CNTLN: variants seen among roughly 807,000 people sequenced by gnomAD.
The protein encoded by CNTLN is centlein, also known as centlein, centrosomal protein.
A neutral mutation model predicts 180.0 loss-of-function variants in CNTLN; 212 were observed. That is an observed-to-expected ratio of 1.18 (90% CI 1.05 to 1.32). The LOEUF (loss-of-function observed/expected upper bound fraction) is 1.32. Among genes scored for constraint, CNTLN ranks in the 40% most tolerant of loss-of-function variants. The probability of loss-of-function intolerance (pLI) is 0.00; values close to 1 mark genes in which losing one functional copy is unlikely to be tolerated. For missense variants in CNTLN, 2,095 were observed against 1,610.9 expected (o/e 1.30, Z -5.14); for synonymous variants, 722 against 563.1 (o/e 1.28, Z -3.99).
At chr9:17,190,002 T>A (rs1195059126) in intron 2 of CNTLN, among the ~76,000 whole-genome samples, 1 of 151,690 alleles carries the variant, frequency 6.6e-6, no homozygotes, top group Non-Finnish European at 1.5e-5. Flanking sequence ...TCCGGAACTC[T>A]CTCTCTCAAT....
intron 1 of CNTLN, among the ~76,000 whole-genome samples, chr9:17,140,722 A>G (rs1818030822): frequency 6.6e-6 from 1 of 152,192 alleles, no homozygotes; most frequent in Admixed American, 6.5e-5. Context: ...TACAGATGTG[A>G]CCCACTGTGC....
Position 17,457,641 on chromosome 9 carries a change from C to T in CNTLN, c.3232C>T (p.Arg1078Trp), listed in dbSNP as rs201619496. ...AGAAAATTCCCAGGTAACATTTCCA[C>T]GGATACAAGTTACATCACTTAGTCC... Reference protein sequence around the residue: ...AEENSQVTFPRIQVTSLSPSR... With the variant: ...AEENSQVTFPWIQVTSLSPSR... The change falls in exon 19 of 26, where the codon CGG becomes TGG. Residue 1078 changes from arginine to tryptophan, a missense_variant. Coordinates refer to ENST00000380647, the MANE Select transcript of CNTLN (RefSeq NM_017738.4). The T allele has an allele frequency of 7.5e-5, 116 of 1,550,448 alleles. No individual in the cohort carries two copies. Among genetic ancestry groups the T allele is most frequent in the Middle Eastern group, 5.2e-4 (3 of 5,816 alleles).
intron 14 of CNTLN, among the ~76,000 whole-genome samples, chr9:17,391,019 C>T (rs778704823): frequency 1.9e-4 from 29 of 152,220 alleles, no homozygotes; most frequent in Non-Finnish European, 3.7e-4. Context: ...ACGAGAAATA[C>T]ATAACATTTA....
chr9:17,384,621 T>G (rs1825546327), intron 13 of CNTLN, among the ~76,000 whole-genome samples: 1 of 152,220 alleles, frequency 6.6e-6, no homozygotes, highest in South Asian at 2.1e-4. Flanking sequence ...GGCTTATGGT[T>G]ACTTCTCGGA....
Position 17,247,535 on chromosome 9 carries a change from ACTGT to A in CNTLN, c.849+10953_849+10956del, listed in dbSNP as rs200592246. Among the ~76,000 whole-genome samples, 64 of 152,232 alleles carry A rather than the reference ACTGT, an allele frequency of 4.2e-4. No individual in the cohort carries two copies. The East Asian group carries it at 9.3e-3, about 22-fold the overall frequency. On this transcript the variant is annotated intron_variant, in intron 5 of 25. Transcript: ENST00000380647. ...GAAGGGGTTGTGTGTGTTACTTGAG[ACTGT>A]CTGTCCTTCCTTCTTCAGTGCCTCT...
intron 2 of CNTLN, among the ~76,000 whole-genome samples, chr9:17,201,628 T>C (rs745960419): frequency 6.6e-6 from 1 of 152,136 alleles, no homozygotes; most frequent in Non-Finnish European, 1.5e-5. Flanking sequence ...TGCGTAGAGG[T>C]GTTTATGGTA....
chr9:17,472,831 T>C (rs1181980177), intron 23 of CNTLN, among the ~76,000 whole-genome samples: 2 of 152,160 alleles, frequency 1.3e-5, no homozygotes, highest in Non-Finnish European at 2.9e-5. Flanking sequence ...CTTTGACCAC[T>C]ATTTCTTTTT....
intron 8 of CNTLN, among the ~76,000 whole-genome samples, chr9:17,326,525 A>G (rs887998915): frequency 1.4e-4 from 21 of 152,134 alleles, no homozygotes; most frequent in Admixed American, 1.3e-4. Flanking sequence ...TATTACTTAT[A>G]CATATAATAG....
At chr9:17,259,969 A>G (rs768719075) in intron 5 of CNTLN, among the ~76,000 whole-genome samples, 2 of 136,748 alleles carry the variant, frequency 1.5e-5, no homozygotes, top group African/African-American at 3.1e-5. Context: ...TTGTGTCTCT[A>G]TTTCCTTCAG....
chr9:17,156,986 T>C (rs914519154), intron 2 of CNTLN, among the ~76,000 whole-genome samples: 1 of 152,190 alleles, frequency 6.6e-6, no homozygotes, highest in Non-Finnish European at 1.5e-5. Context: ...TATCACACTA[T>C]GTAGAAAGAT....
intron 5 of CNTLN, among the ~76,000 whole-genome samples, chr9:17,261,580 G>A (rs1053976285): frequency 1.3e-5 from 2 of 151,384 alleles, no homozygotes; most frequent in African/African-American, 2.4e-5. Context: ...GGTGGAATTT[G>A]TAGGGTTTTC....
At chr9:17,269,636 T>C (rs1041869952) in intron 5 of CNTLN, among the ~76,000 whole-genome samples, 4 of 152,182 alleles carry the variant, frequency 2.6e-5, no homozygotes, top group African/African-American at 9.6e-5. Flanking sequence ...AAAAATACTT[T>C]ATATAATTTT....
At chr9:17,185,229 G>A (rs1821355270) in intron 2 of CNTLN, among the ~76,000 whole-genome samples, 1 of 152,084 alleles carries the variant, frequency 6.6e-6, no homozygotes, top group Non-Finnish European at 1.5e-5. Context: ...TAATTTCCAC[G>A]GAGGTTATCA....
chr9:17,301,296 G>T, intron 7 of CNTLN: 1 of 985,306 alleles, frequency 1.0e-6, no homozygotes, highest in Non-Finnish European at 1.2e-6. Flanking sequence ...TTTTGAAACC[G>T]TAAACACTTT....
intron 2 of CNTLN, among the ~76,000 whole-genome samples, chr9:17,206,420 G>A (rs1021199551): frequency 1.3e-5 from 2 of 152,118 alleles, no homozygotes; most frequent in Admixed American, 6.5e-5. Flanking sequence ...CATTAAATAC[G>A]CTTACCACAG....
chr9:17,439,582 A>C (rs1420820688), intron 18 of CNTLN, among the ~76,000 whole-genome samples: 1 of 152,246 alleles, frequency 6.6e-6, no homozygotes, highest in Non-Finnish European at 1.5e-5. Flanking sequence ...ATCCTTAAAT[A>C]CTTGTAGTAA....
At chr9:17,287,557 G>T (rs1267518133) in intron 6 of CNTLN, among the ~76,000 whole-genome samples, 2 of 150,010 alleles carry the variant, frequency 1.3e-5, no homozygotes, top group African/African-American at 4.9e-5. Context: ...TTTTTCTATT[G>T]ATTGGAATAG....
chr9:17,205,873 G>C (rs1563879304), intron 2 of CNTLN, among the ~76,000 whole-genome samples: 1 of 152,150 alleles, frequency 6.6e-6, no homozygotes, highest in Non-Finnish European at 1.5e-5. Context: ...CAGATCAACA[G>C]GCCAAAATTC....
chr9:17,233,630 C>T (rs1236318025), intron 3 of CNTLN, among the ~76,000 whole-genome samples: 1 of 152,010 alleles, frequency 6.6e-6, no homozygotes, highest in Non-Finnish European at 1.5e-5. Context: ...ACCCCTTTAC[C>T]TCAAATGGGA....
Sources: allele counts gnomAD v4.1 joint callset (sites outside exome capture counted in the v4.1 genomes callset), GRCh38; gene constraint gnomAD v4.1.1; transcripts MANE v1.5; gene names NCBI Gene and HGNC (gene_info 2026-07-23, HGNC 2026-07-21).